Variants in SRRM3 observed in about 807,000 individuals in gnomAD.
SRRM3 encodes serine/arginine repetitive matrix protein 3.
SRRM3 carries 27 observed loss-of-function variants against 66.2 expected under a neutral mutation model. The observed-to-expected ratio is 0.41, with a 90% CI of 0.30 to 0.56. The LOEUF is 0.56. SRRM3 is among the 20% of genes least tolerant of loss of function. SRRM3 has a pLI of 0.32. For missense variants in SRRM3, 918 were observed against 991.9 expected, an observed-to-expected ratio of 0.93 and a Z score of 1.00; for synonymous variants, 391 against 414.9, an observed-to-expected ratio of 0.94 and a Z score of 0.70.
intron 11 of SRRM3, among the ~76,000 whole-genome samples, chr7:76,273,989 G>T (rs1313908398): frequency 2.0e-5 from 3 of 152,144 alleles, no homozygotes; most frequent in East Asian, 3.9e-4. Context: ...CCAAGTTTGT[G>T]TTTCTTTCCT....
intron 12 of SRRM3, 28 bp downstream of exon 12, chr7:76,281,830 T>C: frequency 1.5e-6 from 2 of 1,296,200 alleles, no homozygotes; most frequent in South Asian, 1.7e-5. Context: ...GGAGCTGGAC[T>C]CCCGCCCCCA....
At chr7:76,284,987 G>GGC (rs1212441411) in intron 14 of SRRM3, among the ~76,000 whole-genome samples, 3 of 152,196 alleles carry the variant, frequency 2.0e-5, no homozygotes, top group African/African-American at 7.2e-5. Flanking sequence ...AGAGAGGCAG[G>GGC]GCTGGGACGT....
chr7:76,285,686 A>C lies in SRRM3; in HGVS notation c.1805A>C (p.Tyr602Ser), dbSNP rs902895562. 7 of 1,550,676 alleles carry C rather than the reference A, an allele frequency of 4.5e-6. No homozygotes were observed. Among genetic ancestry groups the C allele is most frequent in the Non-Finnish European group, 6.1e-6 (7 of 1,146,858 alleles). Residue 602 changes from tyrosine to serine, a missense_variant, in exon 15 of 15, where the codon TAC becomes TCC. Coordinates refer to ENST00000611745, the MANE Select transcript of SRRM3 (RefSeq NM_001110199.3). The surrounding 1 kb of genome is among the most constrained non-coding windows in gnomAD (Gnocchi z 4.1). ...TCCTCCAGCTGCTTGAGCAGCGACT[A>C]CTCGACCCGGAGCCACAGCCGCAGC... ...SSSSSCLSSD[Y>S]STRSHSRSPS... is the part of the protein sequence containing the mutation.
At chr7:76,253,787 CAAAAAAAAAAAA>C (rs782083114) in intron 3 of SRRM3, among the ~76,000 whole-genome samples, 12 of 64,788 alleles carry the variant, frequency 1.9e-4, no homozygotes, top group Non-Finnish European at 2.9e-4. Flanking sequence ...AACTCTGTTT[CAAAAAAAAAAAA>C]AAAAAAAAAA....
chr7:76,232,166 G>C (rs1410204952), intron 1 of SRRM3, among the ~76,000 whole-genome samples: 1 of 152,208 alleles, frequency 6.6e-6, no homozygotes, highest in Non-Finnish European at 1.5e-5. Context: ...GCTGGAGCTA[G>C]GAGTTGAAAG....
chr7:76,260,262 T>C (rs1199080375), intron 5 of SRRM3, 65 bp downstream of exon 5: 53 of 1,271,880 alleles, frequency 4.2e-5, no homozygotes, highest in Non-Finnish European at 5.4e-5. Flanking sequence ...CGGATGCCCG[T>C]CCCTGGCTCA....
At chr7:76,241,436 G>A (rs77131606) in intron 2 of SRRM3, among the ~76,000 whole-genome samples, 12,012 of 152,278 alleles carry the variant, frequency 0.079, 1,132 homozygotes, top group African/African-American at 0.22. Context: ...GGGAGCCTGG[G>A]ATGACTGTAC....
rs1187710856 is a variant in SRRM3 at position 76,265,981 on chromosome 7, G to C, written c.830+513G>C. ...CCTCCCGGGTTCACGCTATTCTCCT[G>C]CCTCAGCCTCCCAAGTAGCTGGGAC... On this transcript the variant is annotated intron_variant, in intron 10 of 14. Coordinates refer to ENST00000611745, the MANE Select transcript of SRRM3 (RefSeq NM_001110199.3). Among the ~76,000 whole-genome samples the C allele has an allele frequency of 5.7e-5, 4 of 70,364 alleles. 1 individual carries two copies. The African/African-American group carries it at 6.0e-4, about 11-fold the overall frequency. The allele number at this position is 70,364 out of a possible 152,430, so 46.2% of individuals were successfully genotyped here.
chr7:76,250,537 G>T (rs1801554202), intron 3 of SRRM3, among the ~76,000 whole-genome samples: 1 of 152,072 alleles, frequency 6.6e-6, no homozygotes, highest in Admixed American at 6.6e-5. Context: ...CCCAGTCTTA[G>T]TCATCGTAAA....
At chr7:76,222,367 T>C (rs2116965473) in intron 1 of SRRM3, among the ~76,000 whole-genome samples, 1 of 149,806 alleles carries the variant, frequency 6.7e-6, no homozygotes, top group East Asian at 2.0e-4. Flanking sequence ...TGAGCCATAA[T>C]TGTACCACTA....
chr7:76,271,547 G>C (rs1802213383), intron 11 of SRRM3, among the ~76,000 whole-genome samples: 1 of 152,150 alleles, frequency 6.6e-6, no homozygotes, highest in Non-Finnish European at 1.5e-5. Context: ...AGGAGGCTGA[G>C]ACAGGAGGAT....
intron 2 of SRRM3, among the ~76,000 whole-genome samples, chr7:76,238,590 G>A (rs1000399567): frequency 9.9e-5 from 15 of 150,880 alleles, no homozygotes; most frequent in African/African-American, 3.4e-4. Context: ...CCTTTCTGAC[G>A]AGATGCTCCC....
At chr7:76,228,711 G>A (rs1049128820) in intron 1 of SRRM3, among the ~76,000 whole-genome samples, 6 of 152,128 alleles carry the variant, frequency 3.9e-5, no homozygotes, top group African/African-American at 1.4e-4. Context: ...GCAACAGTGC[G>A]AGACGCCGTC....
intron 11 of SRRM3, among the ~76,000 whole-genome samples, chr7:76,272,075 G>A (rs966955343): frequency 6.6e-6 from 1 of 152,190 alleles, no homozygotes; most frequent in Non-Finnish European, 1.5e-5. Flanking sequence ...CCTCCTGGGA[G>A]AAGCCCTCCT....
At chr7:76,271,074 C>A (rs1046699914) in intron 11 of SRRM3, among the ~76,000 whole-genome samples, 8 of 152,082 alleles carry the variant, frequency 5.3e-5, no homozygotes, top group African/African-American at 1.7e-4. Context: ...TGGTTGAACC[C>A]CACAGGACTT....
intron 3 of SRRM3, among the ~76,000 whole-genome samples, chr7:76,258,776 G>A (rs931888569): frequency 6.7e-6 from 1 of 149,282 alleles, no homozygotes; most frequent in East Asian, 2.0e-4. Flanking sequence ...ATTAGAGTTC[G>A]CCGTGCGCGG....
At chr7:76,249,785 G>A (rs1159824596) in intron 3 of SRRM3, among the ~76,000 whole-genome samples, 1 of 152,114 alleles carries the variant, frequency 6.6e-6, no homozygotes, top group Non-Finnish European at 1.5e-5. Flanking sequence ...TGTGGTACAT[G>A]CCTGTAATCT....
In SRRM3 at chr7:76,281,686, C is replaced by A. The variant is rs1219149049; in HGVS notation, c.1254C>A (p.Gly418=). The A allele has an allele frequency of 2.2e-4, 224 of 1,035,414 alleles. No homozygotes were observed. The highest frequency in any genetic ancestry group is 2.3e-4 in the Non-Finnish European group (198 of 862,240). The allele number at this position is 1,035,414 out of a possible 1,614,324, so 64.1% of individuals were successfully genotyped here. Residue 418 remains glycine (G), a synonymous_variant, in exon 12 of 15, where the codon GGC becomes GGA. Coordinates refer to ENST00000611745, the MANE Select transcript of SRRM3 (RefSeq NM_001110199.3). Reference sequence around the variant, plus strand: ...GCCCCCGGCCCGCGCCCCCCCGGGGCTCGTCGCGCTCGCTCAGCAGGGCCC... The same window carrying A: ...GCCCCCGGCCCGCGCCCCCCCGGGGATCGTCGCGCTCGCTCAGCAGGGCCC... The part of the protein sequence containing the change: ...RRRPRPAPPR[G]SSRSLSRARS...
intron 1 of SRRM3, among the ~76,000 whole-genome samples, chr7:76,225,367 C>A (rs1384277887): frequency 2.6e-5 from 4 of 152,116 alleles, no homozygotes; most frequent in African/African-American, 4.8e-5. Context: ...TACCTTTGAG[C>A]GTGTGGAGGC....
Sources: gnomAD v4.1 joint callset for allele counts (sites outside exome capture counted in the v4.1 genomes callset) on GRCh38, gnomAD v4.1.1 for gene constraint, Gnocchi (gnomAD v3.1) non-coding constraint, MANE v1.5 for transcripts, NCBI Gene and HGNC (gene_info 2026-07-23, HGNC 2026-07-21) for gene names.